ANKRD6: variants seen among roughly 807,000 people sequenced by gnomAD.
ANKRD6 encodes ankyrin repeat domain 6, also known as ankyrin repeat domain-containing protein 6.
In ANKRD6, 56 loss-of-function variants were observed where a neutral mutation model predicts 82.3. The observed-to-expected ratio is 0.68, with a 90% CI of 0.55 to 0.85. The LOEUF (loss-of-function observed/expected upper bound fraction) is 0.85. Among genes scored for constraint, ANKRD6 ranks in the 40% least tolerant of loss-of-function variants. The pLI is 0.00. For synonymous variants in ANKRD6, 347 were observed against 352.1 expected, an observed-to-expected ratio of 0.99 and a Z score of 0.16; for missense variants, 852 against 907.6, an observed-to-expected ratio of 0.94 and a Z score of 0.79.
intron 1 of ANKRD6, among the ~76,000 whole-genome samples, chr6:89,536,827 C>G (rs1048050229): frequency 5.9e-5 from 9 of 152,172 alleles, no homozygotes; most frequent in Non-Finnish European, 1.0e-4. Flanking sequence ...CCTTCATGTA[C>G]TCATCTGGAA....
At chr6:89,534,606 C>G (rs1461780761) in intron 1 of ANKRD6, among the ~76,000 whole-genome samples, 2 of 152,130 alleles carry the variant, frequency 1.3e-5, no homozygotes, top group Admixed American at 6.5e-5. Flanking sequence ...ATCTACTCAT[C>G]CATTCATCCA....
At chr6:89,570,229 C>A (rs922771655) in intron 2 of ANKRD6, among the ~76,000 whole-genome samples, 1 of 151,994 alleles carries the variant, frequency 6.6e-6, no homozygotes, top group South Asian at 2.1e-4. Context: ...TACAGGCATG[C>A]ACACTGTTAA....
intron 1 of ANKRD6, among the ~76,000 whole-genome samples, chr6:89,448,450 G>C (rs1582643478): frequency 8.0e-6 from 1 of 125,424 alleles, no homozygotes; most frequent in East Asian, 2.4e-4. Context: ...AAAAAAAAAA[G>C]AATTATACTA....
intron 1 of ANKRD6, among the ~76,000 whole-genome samples, chr6:89,520,099 T>A (rs1275605718): frequency 6.6e-6 from 1 of 152,164 alleles, no homozygotes; most frequent in Non-Finnish European, 1.5e-5. Flanking sequence ...TCCTCCTACT[T>A]CAGCCTCCCA....
At chr6:89,485,871 A>G (rs1416828736) in intron 1 of ANKRD6, among the ~76,000 whole-genome samples, 2 of 152,220 alleles carry the variant, frequency 1.3e-5, no homozygotes, top group African/African-American at 4.8e-5. Context: ...ACTAATCCTC[A>G]CCAGAAATTT....
At chr6:89,572,126 A>G (rs1790059795) in intron 2 of ANKRD6, among the ~76,000 whole-genome samples, 1 of 152,224 alleles carries the variant, frequency 6.6e-6, no homozygotes, top group Non-Finnish European at 1.5e-5. Context: ...TTAGGACTGA[A>G]AAATCTTCCG....
chr6:89,481,090 C>G lies in ANKRD6; in HGVS notation c.-144+47715C>G, dbSNP rs942662206. Among the ~76,000 whole-genome samples, 9 of 152,050 alleles carry G rather than the reference C, an allele frequency of 5.9e-5. No homozygotes were observed. In the South Asian group the frequency reaches 8.3e-4, roughly 14 times the overall value. ...GGTCTGCAGTTTAGGACATATTTCT[C>G]TAAATTTTTTCCTTGCATTTAAAAA... On this transcript the variant is annotated intron_variant, in intron 1 of 15. Coordinates refer to ENST00000339746, the MANE Select transcript of ANKRD6 (RefSeq NM_001242809.2).
At chr6:89,496,065 A>C (rs1221071140) in intron 1 of ANKRD6, among the ~76,000 whole-genome samples, 1 of 152,022 alleles carries the variant, frequency 6.6e-6, no homozygotes, top group Non-Finnish European at 1.5e-5. Flanking sequence ...TTCAGTCTTT[A>C]GGACATCTTA....
At chr6:89,447,640 G>A (rs1281401494) in intron 1 of ANKRD6, among the ~76,000 whole-genome samples, 1 of 152,156 alleles carries the variant, frequency 6.6e-6, no homozygotes, top group African/African-American at 2.4e-5. Flanking sequence ...TTTTCAATGT[G>A]GATGAAACAG....
At chr6:89,439,391 A>G (rs982746468) in intron 1 of ANKRD6, among the ~76,000 whole-genome samples, 2 of 152,202 alleles carry the variant, frequency 1.3e-5, no homozygotes, top group African/African-American at 4.8e-5. Flanking sequence ...CACAAAGTAT[A>G]TGTGTCAATT....
At chr6:89,483,630 A>G (rs1169244549) in intron 1 of ANKRD6, 1 of 152,228 alleles carries the variant, frequency 6.6e-6, no homozygotes, top group African/African-American at 2.4e-5. Context: ...TCCCAGCTGC[A>G]TGGAGTGGGA....
At chr6:89,503,409 T>C (rs1257355200) in intron 1 of ANKRD6, among the ~76,000 whole-genome samples, 2 of 152,160 alleles carry the variant, frequency 1.3e-5, no homozygotes, top group African/African-American at 4.8e-5. Context: ...CTGCATCTCA[T>C]AAAGCCCCTG....
At chr6:89,589,805 T>G (rs566078209) in intron 2 of ANKRD6, among the ~76,000 whole-genome samples, 1 of 152,366 alleles carries the variant, frequency 6.6e-6, no homozygotes, top group South Asian at 2.1e-4. Context: ...ATTTTTGTGG[T>G]TGTTGCTTCG....
intron 2 of ANKRD6, among the ~76,000 whole-genome samples, chr6:89,567,685 A>G (rs781156826): frequency 1.3e-4 from 20 of 152,258 alleles, no homozygotes; most frequent in Non-Finnish European, 2.5e-4. Context: ...GGCTCCGCGC[A>G]GCTAGAGGGA....
chr6:89,582,014 C>G (rs897710877), intron 2 of ANKRD6, among the ~76,000 whole-genome samples: 4 of 152,176 alleles, frequency 2.6e-5, no homozygotes, highest in Non-Finnish European at 5.9e-5. Context: ...GGAAGAAAAT[C>G]TCAACTGGGA....
intron 2 of ANKRD6, among the ~76,000 whole-genome samples, chr6:89,572,067 C>T (rs566687083): frequency 2.0e-4 from 31 of 152,104 alleles, no homozygotes; most frequent in Non-Finnish European, 2.4e-4. Flanking sequence ...TAGTTATATG[C>T]GTTTAAGGTT....
At chr6:89,597,758 A>G (rs1655402726) in intron 3 of ANKRD6, among the ~76,000 whole-genome samples, 1 of 152,246 alleles carries the variant, frequency 6.6e-6, no homozygotes, top group Admixed American at 6.5e-5. Flanking sequence ...GAGACAATGC[A>G]TATATTGCTT....
At chr6:89,512,462 A>G (rs1255128975) in intron 1 of ANKRD6, among the ~76,000 whole-genome samples, 1 of 152,206 alleles carries the variant, frequency 6.6e-6, no homozygotes, top group East Asian at 1.9e-4. Flanking sequence ...GTCTCAGAAC[A>G]ATGAGTGTCT....
chr6:89,570,484 C>T (rs1789600439), intron 2 of ANKRD6, among the ~76,000 whole-genome samples: 1 of 152,214 alleles, frequency 6.6e-6, no homozygotes, highest in Admixed American at 6.5e-5. Flanking sequence ...GTGCAACCAT[C>T]ACCACCATCC....
Sources: allele counts gnomAD v4.1 joint callset (sites outside exome capture counted in the v4.1 genomes callset), GRCh38; gene constraint gnomAD v4.1.1; transcripts MANE v1.5; gene names NCBI Gene and HGNC (gene_info 2026-07-23, HGNC 2026-07-21).